PRKCB: variants seen among roughly 807,000 people sequenced by gnomAD.
PRKCB encodes protein kinase C beta.
Under a neutral mutation model 81.5 loss-of-function variants are expected in PRKCB, and 13 were observed. The ratio of observed to expected loss-of-function variants is 0.16; its 90% CI spans 0.10 to 0.25. The LOEUF is 0.25. Ranked by LOEUF, PRKCB falls within the 10% of genes least tolerant of loss-of-function variation. PRKCB has a pLI of 1.00. For synonymous variants in PRKCB, 335 were observed against 321.4 expected (o/e 1.04, Z -0.45); for missense variants, 509 against 875.7 (o/e 0.58, Z 5.29).
At chr16:24,154,911 G>A (rs1362156599) in intron 10 of PRKCB, 54 bp downstream of exon 10, 9 of 1,568,350 alleles carry the variant, frequency 5.7e-6, no homozygotes, top group Admixed American at 1.9e-5. Context: ...ACCAGGCTTT[G>A]GCCAAAGCTA....
At chr16:24,016,218 T>G (rs1375727378) in intron 3 of PRKCB, among the ~76,000 whole-genome samples, 1 of 152,144 alleles carries the variant, frequency 6.6e-6, no homozygotes, top group Non-Finnish European at 1.5e-5. Context: ...TTCCCAGCTT[T>G]TAACCAACGT....
intron 3 of PRKCB, among the ~76,000 whole-genome samples, chr16:24,021,738 C>T (rs1467535252): frequency 6.6e-6 from 1 of 151,974 alleles, no homozygotes; most frequent in Non-Finnish European, 1.5e-5. Context: ...TGACCTTGGG[C>T]AAGTTACTTC....
At chr16:24,181,536 G>A (rs1001048134) in intron 13 of PRKCB, among the ~76,000 whole-genome samples, 6 of 152,234 alleles carry the variant, frequency 3.9e-5, no homozygotes, top group Admixed American at 6.5e-5. Context: ...GGAGGCAGAG[G>A]CAGGTGGATC....
intron 9 of PRKCB, 122 bp downstream of exon 9, chr16:24,124,103 C>G (rs949382713): frequency 1.4e-5 from 16 of 1,145,852 alleles, no homozygotes; most frequent in Non-Finnish European, 1.9e-5. Context: ...AATAGAGCCA[C>G]ACTACACTTT....
rs564930802 is a variant in PRKCB, at chr16:24,015,422, G to C, written c.289-16714G>C. ...GCTAAACTCCCTCTCAGTGGGGCTA[G>C]GGTCTTTTGGCTGAGGGGTCCAAGC... On this transcript the variant is annotated intron_variant, in intron 3 of 16. Transcript: ENST00000643927. Among the ~76,000 whole-genome samples the C allele has an allele frequency of 1.1e-4, 16 of 152,346 alleles. No homozygotes were observed. The South Asian group carries it at 3.1e-3, about 30-fold the overall frequency.
chr16:24,033,288 G>T (rs1965571188), intron 4 of PRKCB, among the ~76,000 whole-genome samples: 1 of 152,178 alleles, frequency 6.6e-6, no homozygotes, highest in South Asian at 2.1e-4. Flanking sequence ...CTGTGAGGGT[G>T]AATAAGGGTG....
At chr16:23,936,868 G>A (rs1270540524) in intron 2 of PRKCB, among the ~76,000 whole-genome samples, 1 of 152,118 alleles carries the variant, frequency 6.6e-6, no homozygotes, top group Non-Finnish European at 1.5e-5. Context: ...CTTCAGATGT[G>A]TAGAAATCCA....
chr16:24,143,578 G>GGATC (rs1480695849), intron 9 of PRKCB, among the ~76,000 whole-genome samples: 2 of 152,068 alleles, frequency 1.3e-5, no homozygotes, highest in Admixed American at 1.3e-4. Flanking sequence ...AGGGAACTAG[G>GGATC]GATCGTGTGA....
intron 3 of PRKCB, among the ~76,000 whole-genome samples, chr16:24,006,014 A>G (rs1184546233): frequency 6.6e-6 from 1 of 152,232 alleles, no homozygotes. Flanking sequence ...CTCAAGGATA[A>G]GTAATGTCAG....
At chr16:23,911,128 C>CTTTTTTTTTTTTTGTTTTT (rs1963646144) in intron 2 of PRKCB, among the ~76,000 whole-genome samples, 3 of 31,558 alleles carry the variant, frequency 9.5e-5, no homozygotes, top group African/African-American at 1.3e-4. Flanking sequence ...CGTATATATG[C>CTTTTTTTTTTTTTGTTTTT]TTTTTTTTTT....
intron 6 of PRKCB, among the ~76,000 whole-genome samples, chr16:24,093,285 C>T (rs566664485): frequency 3.7e-4 from 57 of 152,218 alleles, no homozygotes; most frequent in Admixed American, 2.4e-3. Context: ...GGGAACATAA[C>T]CTACAGGGTG....
intron 2 of PRKCB, among the ~76,000 whole-genome samples, chr16:23,850,472 TCTC>T (rs1379811263): frequency 1.3e-5 from 2 of 152,108 alleles, no homozygotes; most frequent in Non-Finnish European, 2.9e-5. Flanking sequence ...TTCAAGACAT[TCTC>T]CTGCCTCGGC....
intron 3 of PRKCB, among the ~76,000 whole-genome samples, chr16:24,023,021 T>G (rs1161525414): frequency 6.6e-6 from 1 of 152,050 alleles, no homozygotes; most frequent in Non-Finnish European, 1.5e-5. Context: ...GAGGATCTGA[T>G]GTAAAATGAG....
At chr16:23,952,550 G>T (rs1361140718) in intron 2 of PRKCB, among the ~76,000 whole-genome samples, 1 of 152,028 alleles carries the variant, frequency 6.6e-6, no homozygotes, top group Non-Finnish European at 1.5e-5. Flanking sequence ...GACTGGAGGG[G>T]GTTAAATAGC....
In PRKCB at chr16:24,113,084, CTTTT is replaced by C. The variant is rs769556256; in HGVS notation, c.918+17_918+20del. ...AGAAATTTGAGGTGAGGTTTCTTTT[CTTTT>C]TCTCTTCTTTCTTTTTTCTCTTTCT... On this transcript the variant is annotated intron_variant, in intron 8 of 16. Coordinates refer to ENST00000643927, the MANE Select transcript of PRKCB (RefSeq NM_002738.7). 1.3e-6 allele frequency: 2 copies of C among 1,589,330 alleles called. No homozygotes were observed. The highest frequency in any genetic ancestry group is 2.7e-5 in the African/African-American group (2 of 73,892).
At position 24,032,261 on chromosome 16, in the gene PRKCB, C is replaced by A. The variant is rs766457668; in HGVS notation, c.400+14C>A. 2 of 1,567,804 alleles carry A rather than the reference C, an allele frequency of 1.3e-6. No individual in the cohort carries two copies. Among genetic ancestry groups the A allele is most frequent in the Admixed American group, 1.7e-5 (1 of 59,710 alleles). ...TGAAATGTGACAGTAAGTACTTTTTCTCTCTGGGGGCATCTGCTGATGGCA... is the reference window on the plus strand; with the variant it reads ...TGAAATGTGACAGTAAGTACTTTTTATCTCTGGGGGCATCTGCTGATGGCA... On this transcript the variant is annotated intron_variant, in intron 4 of 16. Coordinates refer to ENST00000643927, the MANE Select transcript of PRKCB (RefSeq NM_002738.7).
rs113908599 is a variant in PRKCB at position 24,133,059 on chromosome 16, T to C, written c.1065+9078T>C. On this transcript the variant is annotated intron_variant, in intron 9 of 16. Coordinates refer to ENST00000643927, the MANE Select transcript of PRKCB (RefSeq NM_002738.7). ...AGGTTAGTCATTTTTCCCTCTTATT[T>C]TCTCATCTTTCCCTCTAAGTGCTAA... Among the ~76,000 whole-genome samples the C allele has an allele frequency of 8.9e-3, 1,350 of 152,212 alleles. 18 individuals are homozygous for C. The highest frequency in any genetic ancestry group is 0.041 in the Middle Eastern group (12 of 294).
chr16:23,847,035 C>T (rs1187630935), intron 2 of PRKCB, among the ~76,000 whole-genome samples: 1 of 152,016 alleles, frequency 6.6e-6, no homozygotes, highest in African/African-American at 2.4e-5. Flanking sequence ...GACCAGAGAG[C>T]TCTGATCCAC....
At chr16:24,205,045 G>C (rs1461760075) in intron 16 of PRKCB, among the ~76,000 whole-genome samples, 1 of 151,822 alleles carries the variant, frequency 6.6e-6, no homozygotes, top group African/African-American at 2.4e-5. Flanking sequence ...GCTTGAACCC[G>C]GGAGGTGGAG....
Sources: allele counts gnomAD v4.1 joint callset (sites outside exome capture counted in the v4.1 genomes callset), GRCh38; gene constraint gnomAD v4.1.1; transcripts MANE v1.5; gene names NCBI Gene and HGNC (gene_info 2026-07-23, HGNC 2026-07-21).